Variants in ZNG1B observed in about 807,000 individuals in gnomAD.
ZNG1B encodes the protein zinc-regulated GTPase metalloprotein activator 1B.
At chr2:113,464,804 A>G in the ZNG1B span, among the ~76,000 whole-genome samples, 1 of 151,686 alleles carries the variant, frequency 6.6e-6, no homozygotes, top group African/African-American at 2.4e-5. Flanking sequence ...GAACACTAGG[A>G]TAACTGACTA....
At chr2:113,438,453 G>A in the ZNG1B span, among the ~76,000 whole-genome samples, 1 of 152,138 alleles carries the variant, frequency 6.6e-6, no homozygotes, top group African/African-American at 2.4e-5. Context: ...GACACGTGGG[G>A]CTTTCGTCAG....
the ZNG1B span, chr2:113,494,570 C>T: frequency 1.1e-6 from 1 of 924,040 alleles, no homozygotes; most frequent in African/African-American, 1.9e-5. Context: ...TAATTTCATC[C>T]CCATAGGAGC....
the ZNG1B span, among the ~76,000 whole-genome samples, chr2:113,479,740 A>T: frequency 6.6e-6 from 1 of 151,868 alleles, no homozygotes; most frequent in Admixed American, 6.6e-5. Flanking sequence ...CAGTTTTGAT[A>T]GTTACAGATC....
chr2:113,441,763 T>C, the ZNG1B span: 1 of 202,742 alleles, frequency 4.9e-6, no homozygotes, highest in Non-Finnish European at 1.0e-5. Flanking sequence ...TTTTTTGAGA[T>C]GGAGTCTCTC....
the ZNG1B span, among the ~76,000 whole-genome samples, chr2:113,448,827 C>T: frequency 6.6e-6 from 1 of 151,256 alleles, no homozygotes; most frequent in South Asian, 2.1e-4. Context: ...TGGCTTGAAC[C>T]CGGGAGACGG....
the ZNG1B span, among the ~76,000 whole-genome samples, chr2:113,477,723 A>T: frequency 6.6e-6 from 1 of 152,228 alleles, no homozygotes; most frequent in African/African-American, 2.4e-5. Context: ...TGTACAATAC[A>T]GTATTGCTAA....
chr2:113,446,020 C>T, the ZNG1B span, among the ~76,000 whole-genome samples: 4 of 151,538 alleles, frequency 2.6e-5, no homozygotes, highest in Non-Finnish European at 5.9e-5. Flanking sequence ...TATTTTGGTC[C>T]TTATAGTAGG....
chr2:113,463,110 G>A, the ZNG1B span, among the ~76,000 whole-genome samples: 1 of 151,298 alleles, frequency 6.6e-6, no homozygotes, highest in Non-Finnish European at 1.5e-5. Flanking sequence ...AGGACAATCA[G>A]GACAATATGA....
At chr2:113,476,501 T>C in the ZNG1B span, among the ~76,000 whole-genome samples, 1 of 149,984 alleles carries the variant, frequency 6.7e-6, no homozygotes, top group Admixed American at 6.7e-5. Flanking sequence ...GTCAAAGTCA[T>C]TCTCCCTCCA....
chr2:113,461,150 G>T, the ZNG1B span, among the ~76,000 whole-genome samples: 2 of 150,626 alleles, frequency 1.3e-5, no homozygotes, highest in Admixed American at 6.6e-5. Context: ...AGGTTCAAGC[G>T]ATTCTCCTGC....
the ZNG1B span, among the ~76,000 whole-genome samples, chr2:113,450,801 A>C: frequency 1.4e-5 from 2 of 146,988 alleles, no homozygotes; most frequent in East Asian, 4.2e-4. Context: ...TTAATACTCC[A>C]CTCTCCTTAC....
the ZNG1B span, among the ~76,000 whole-genome samples, chr2:113,487,078 T>C: frequency 6.6e-6 from 1 of 151,938 alleles, no homozygotes; most frequent in Non-Finnish European, 1.5e-5. Flanking sequence ...AAAATAAGTA[T>C]AGTCATGCAC....
the ZNG1B span, among the ~76,000 whole-genome samples, chr2:113,491,446 G>A: frequency 8.3e-6 from 1 of 120,522 alleles, no homozygotes; most frequent in African/African-American, 3.1e-5. Flanking sequence ...CTAGCCACAT[G>A]TAGGAGAATG....
the ZNG1B span, chr2:113,445,072 T>A: frequency 6.2e-7 from 1 of 1,608,168 alleles, no homozygotes. Context: ...AGTGAGGTTG[T>A]TAATAACCAG....
chr2:113,453,791 G>A, the ZNG1B span, among the ~76,000 whole-genome samples: 2 of 143,770 alleles, frequency 1.4e-5, no homozygotes, highest in African/African-American at 5.4e-5. Context: ...TGTATCCTCT[G>A]TTGTTTGATT....
chr2:113,476,296 T>G, the ZNG1B span, among the ~76,000 whole-genome samples: 1 of 151,992 alleles, frequency 6.6e-6, no homozygotes, highest in Non-Finnish European at 1.5e-5. Flanking sequence ...TCCTGAGGCT[T>G]CTGCATTCTT....
At chr2:113,495,946 T>A in the ZNG1B span, 38 of 576,232 alleles carry the variant, frequency 6.6e-5, 1 homozygote, top group Non-Finnish European at 8.7e-5. Flanking sequence ...TCCTTTTTTT[T>A]AAAGAATGGT....
the ZNG1B span, chr2:113,460,734 A>G: frequency 6.3e-7 from 1 of 1,591,996 alleles, no homozygotes; most frequent in Non-Finnish European, 8.5e-7. Context: ...TCATATTTAA[A>G]GTATATATTG....
chr2:113,453,296 T>G, the ZNG1B span: 6 of 1,550,936 alleles, frequency 3.9e-6, no homozygotes, highest in African/African-American at 8.4e-5. Flanking sequence ...CAGACTGGAG[T>G]GCATGGAGTG....
Sources: allele counts gnomAD v4.1 joint callset (sites outside exome capture counted in the v4.1 genomes callset), GRCh38; gene constraint gnomAD v4.1.1; transcripts MANE v1.5; gene names NCBI Gene and HGNC (gene_info 2026-07-23, HGNC 2026-07-21).